Variants in NCKAP5 observed in about 807,000 individuals in gnomAD.
NCKAP5 encodes NCK associated protein 5.
A neutral mutation model predicts 167.0 loss-of-function variants in NCKAP5; 92 were observed. That is an observed-to-expected ratio of 0.55 (90% CI 0.47 to 0.66). The LOEUF (loss-of-function observed/expected upper bound fraction) is 0.66, where lower values mean the gene tolerates loss of function less well. NCKAP5 is among the 30% of genes least tolerant of loss of function. NCKAP5 has a pLI of 0.00. For synonymous variants in NCKAP5, 891 were observed against 877.4 expected (o/e 1.02, Z -0.27); for missense variants, 2,378 against 2,315.0 (o/e 1.03, Z -0.56).
At position 132,782,307 on chromosome 2, in the gene NCKAP5, G is replaced by C; in HGVS notation, c.4504C>G (p.Pro1502Ala). ...AACCAGCTGGCAAAAGAAGGCCCAG[G>C]CTTCTGCTTTGCTTCCACAGAGGTG... ...KPTSVEAKQK[P>A]GPSFASWFGF... Residue 1502 changes from proline to alanine, a missense_variant, in exon 14 of 20, where the codon CCT becomes GCT. Coordinates refer to ENST00000409261, the MANE Select transcript of NCKAP5 (RefSeq NM_207363.3). The C allele has an allele frequency of 3.7e-6, 6 of 1,614,052 alleles. No individual in the cohort carries two copies. Among genetic ancestry groups the C allele is most frequent in the Non-Finnish European group, 4.2e-6 (5 of 1,179,904 alleles).
intron 4 of NCKAP5, among the ~76,000 whole-genome samples, chr2:133,231,903 G>A (rs1186273377): frequency 1.3e-5 from 2 of 152,114 alleles, no homozygotes; most frequent in African/African-American, 2.4e-5. Flanking sequence ...GTCATTTTCC[G>A]AAATCCAGAA....
intron 5 of NCKAP5, among the ~76,000 whole-genome samples, chr2:133,167,811 G>C (rs2084062759): frequency 6.6e-6 from 1 of 152,030 alleles, no homozygotes; most frequent in East Asian, 1.9e-4. Context: ...TTCTATAAAA[G>C]AATTTTCTTT....
intron 11 of NCKAP5, among the ~76,000 whole-genome samples, chr2:132,854,494 A>G (rs1399327880): frequency 6.6e-6 from 1 of 152,228 alleles, no homozygotes; most frequent in East Asian, 1.9e-4. Flanking sequence ...TGTGAGGAAG[A>G]GAATTTCTCA....
chr2:133,668,177 A>G, the NCKAP5 span, among the ~76,000 whole-genome samples: 1 of 152,008 alleles, frequency 6.6e-6, no homozygotes. Flanking sequence ...TTATCCATTT[A>G]TCAAATGATT....
intron 8 of NCKAP5, among the ~76,000 whole-genome samples, chr2:132,916,740 G>T (rs1424079039): frequency 2.0e-5 from 3 of 152,034 alleles, no homozygotes; most frequent in Non-Finnish European, 4.4e-5. Flanking sequence ...TCAATTTCTA[G>T]ACCACCTTTG....
chr2:133,201,232 A>C (rs1188662065), intron 5 of NCKAP5, among the ~76,000 whole-genome samples: 2 of 152,160 alleles, frequency 1.3e-5, no homozygotes, highest in Admixed American at 1.3e-4. Context: ...AGACAGCACA[A>C]GATGCCATTT....
At chr2:132,978,718 C>A (rs573912124) in intron 7 of NCKAP5, among the ~76,000 whole-genome samples, 5 of 152,256 alleles carry the variant, frequency 3.3e-5, no homozygotes, top group South Asian at 4.2e-4. Flanking sequence ...GGAAACATGG[C>A]CTGTGGTCTT....
the NCKAP5 span, among the ~76,000 whole-genome samples, chr2:133,604,567 C>G: frequency 6.6e-6 from 1 of 152,080 alleles, no homozygotes; most frequent in Admixed American, 6.5e-5. Flanking sequence ...TCTCTTTCCC[C>G]TTGTCTTACT....
intron 10 of NCKAP5, among the ~76,000 whole-genome samples, 152 bp from the exon 11 acceptor site, chr2:132,860,763 A>G (rs1340740263): frequency 6.6e-6 from 1 of 152,232 alleles, no homozygotes; most frequent in East Asian, 1.9e-4. Context: ...GTTTTCGTCC[A>G]CAGACCATTG....
At chr2:132,700,474 T>G (rs1302942738) in intron 19 of NCKAP5, among the ~76,000 whole-genome samples, 2 of 152,354 alleles carry the variant, frequency 1.3e-5, no homozygotes, top group East Asian at 3.9e-4. Context: ...CATTTCAGTC[T>G]TTAATCCACC....
intron 19 of NCKAP5, among the ~76,000 whole-genome samples, chr2:132,722,328 A>G (rs1358331118): frequency 6.6e-6 from 1 of 152,208 alleles, no homozygotes; most frequent in Non-Finnish European, 1.5e-5. Flanking sequence ...CCACTGGCAG[A>G]GGAAGGGGTA....
At chr2:133,533,379 T>C (rs1685515064) in intron 2 of NCKAP5, among the ~76,000 whole-genome samples, 1 of 152,250 alleles carries the variant, frequency 6.6e-6, no homozygotes, top group Non-Finnish European at 1.5e-5. Context: ...TTTTAAAAAG[T>C]AGTTCACAAA....
chr2:133,253,339 G>C (rs2088447018), intron 4 of NCKAP5, among the ~76,000 whole-genome samples: 1 of 152,226 alleles, frequency 6.6e-6, no homozygotes, highest in African/African-American at 2.4e-5. Context: ...AAACACTGAT[G>C]ATAAGCTTAC....
the NCKAP5 span, among the ~76,000 whole-genome samples, chr2:133,652,700 G>C: frequency 1.3e-5 from 2 of 152,154 alleles, no homozygotes; most frequent in Admixed American, 6.5e-5. Context: ...CAGACAGGTC[G>C]TCTCTCAGCC....
In NCKAP5 at chr2:133,069,037, C is replaced by T. The variant is rs139753847; in HGVS notation, c.341+60941G>A. On this transcript the variant is annotated intron_variant, in intron 6 of 19. Coordinates refer to ENST00000409261, the MANE Select transcript of NCKAP5 (RefSeq NM_207363.3). The stretch of plus-strand genomic sequence containing the variant: ...TACTCAATTGGATAATGAATGTAAA[C>T]TGTGACGTTATGGTGCAAAACTGTA... Among the ~76,000 whole-genome samples, 53 of 152,312 alleles carry T rather than the reference C, an allele frequency of 3.5e-4. 1 individual carries two copies. The highest frequency in any genetic ancestry group is 1.2e-3 in the African/African-American group (49 of 41,574).
intron 11 of NCKAP5, among the ~76,000 whole-genome samples, chr2:132,831,633 T>A (rs1687528800): frequency 6.6e-6 from 1 of 152,116 alleles, no homozygotes; most frequent in Non-Finnish European, 1.5e-5. Flanking sequence ...ATAGTATGGA[T>A]ATTAATATTG....
At chr2:133,394,979 G>A (rs1687646210) in intron 3 of NCKAP5, among the ~76,000 whole-genome samples, 1 of 152,184 alleles carries the variant, frequency 6.6e-6, no homozygotes, top group Non-Finnish European at 1.5e-5. Flanking sequence ...ATTAAGTGAG[G>A]TAAAGAAAAT....
At chr2:133,168,421 C>T (rs1425103644) in intron 5 of NCKAP5, among the ~76,000 whole-genome samples, 1 of 152,038 alleles carries the variant, frequency 6.6e-6, no homozygotes, top group East Asian at 1.9e-4. Context: ...GAGGTGTCCG[C>T]ACTGTTTCTG....
intron 19 of NCKAP5, among the ~76,000 whole-genome samples, chr2:132,696,515 C>A (rs534355599): frequency 6.6e-6 from 1 of 152,282 alleles, no homozygotes; most frequent in Non-Finnish European, 1.5e-5. Flanking sequence ...AACGACTTCA[C>A]TGAGGTAGAT....
Sources: gnomAD v4.1 joint callset for allele counts (sites outside exome capture counted in the v4.1 genomes callset) on GRCh38, gnomAD v4.1.1 for gene constraint, MANE v1.5 for transcripts, NCBI Gene and HGNC (gene_info 2026-07-23, HGNC 2026-07-21) for gene names.